Variants in AIF1L observed in about 807,000 individuals in gnomAD.
AIF1L encodes allograft inflammatory factor 1 like, also known as allograft inflammatory factor 1-like.
In AIF1L, 12 loss-of-function variants were observed where a neutral mutation model predicts 20.7. The ratio of observed to expected loss-of-function variants is 0.58; its 90% CI spans 0.37 to 0.94. The LOEUF is 0.94. AIF1L is among the 40% of genes least tolerant of loss of function. The pLI, the probability that AIF1L is intolerant of heterozygous loss-of-function variation, is 0.01. For synonymous variants in AIF1L, 76 were observed against 65.1 expected (o/e 1.17, Z -0.81); for missense variants, 173 against 185.3 (o/e 0.93, Z 0.39).
At chr9:131,116,453 G>A (rs1184177634) in intron 4 of AIF1L, among the ~76,000 whole-genome samples, 2 of 152,074 alleles carry the variant, frequency 1.3e-5, no homozygotes, top group Non-Finnish European at 2.9e-5. Flanking sequence ...TAGTAGAGAC[G>A]AGGTTTCACC....
rs1830887981 is a variant in AIF1L at position 131,111,636 on chromosome 9, C to T, written c.133C>T (p.Leu45Phe). The change falls in exon 3 of 6, where the codon CTT (leucine) becomes TTT (phenylalanine). Residue 45 changes from leucine (L) to phenylalanine (F), a missense_variant. Coordinates refer to ENST00000247291, the MANE Select transcript of AIF1L (RefSeq NM_031426.4). ...CCAGAAGTACAGTGATGAAGAGAAC[C>T]TTCCAGAAAAGCTCACAGCCTTCAA... The part of the protein sequence containing the change: ...CDQKYSDEEN[L>F]PEKLTAFKEK... 6.2e-7 allele frequency: 1 copy of T among 1,613,958 alleles called. No homozygotes were observed. The highest frequency in any genetic ancestry group is 1.3e-5 in the African/African-American group (1 of 74,932).
Position 131,111,633 on chromosome 9 carries a change from A to G in AIF1L, c.130A>G (p.Asn44Asp), listed in dbSNP as rs748075515. The G allele has an allele frequency of 4.3e-6, 7 of 1,613,896 alleles. No individual in the cohort carries two copies. The East Asian group carries it at 1.1e-4, about 26-fold the overall frequency. Residue 44 changes from asparagine to aspartate, a missense_variant, in exon 3 of 6, where the codon AAC (asparagine) becomes GAC (aspartate). Asn to Asp is a conservative substitution (Grantham distance 23, BLOSUM62 1). Coordinates refer to ENST00000247291, the MANE Select transcript of AIF1L (RefSeq NM_031426.4). ...TGACCAGAAGTACAGTGATGAAGAG[A>G]ACCTTCCAGAAAAGCTCACAGCCTT... ...LCDQKYSDEE[N>D]LPEKLTAFKE...
In AIF1L at chr9:131,121,160, C is replaced by A. The variant is rs749673569; in HGVS notation, c.*838C>A. ...GGGAGAATGAGGAGTAAAATGCTCACGGCAAAGTCAGCAGCACTGGTAAGC... is the reference window on the plus strand; with the variant it reads ...GGGAGAATGAGGAGTAAAATGCTCAAGGCAAAGTCAGCAGCACTGGTAAGC... On this transcript the variant is annotated 3_prime_UTR_variant, in exon 6 of 6. Transcript: ENST00000247291. 10 of 709,976 alleles carry A rather than the reference C, an allele frequency of 1.4e-5. No homozygotes were observed. Among genetic ancestry groups the A allele is most frequent in the South Asian group, 1.2e-4 (8 of 65,630 alleles). The allele number at this position is 709,976 out of a possible 1,614,324, so 44.0% of individuals were successfully genotyped here.
At chr9:131,113,575 C>G (rs1460937963) in intron 3 of AIF1L, among the ~76,000 whole-genome samples, 1 of 150,224 alleles carries the variant, frequency 6.7e-6, no homozygotes, top group Non-Finnish European at 1.5e-5. Flanking sequence ...GTTCAAGTCC[C>G]AACTCTGCCC....
At chr9:131,114,288 C>T in intron 3 of AIF1L, 1 of 418,202 alleles carries the variant, frequency 2.4e-6, no homozygotes. Flanking sequence ...CTGGTCTGTG[C>T]TGCTGGGGAC....
chr9:131,117,460 G>A (rs182150339), intron 4 of AIF1L, among the ~76,000 whole-genome samples: 6 of 152,142 alleles, frequency 3.9e-5, no homozygotes, highest in Admixed American at 6.5e-5. Context: ...CCGTTCCACC[G>A]TTGGTGGGAG....
At chr9:131,118,434 T>C (rs1257826450) in intron 5 of AIF1L, among the ~76,000 whole-genome samples, 2 of 151,908 alleles carry the variant, frequency 1.3e-5, no homozygotes, top group Non-Finnish European at 2.9e-5. Context: ...GGAAATTAGC[T>C]TGTAGCAGAG....
intron 5 of AIF1L, among the ~76,000 whole-genome samples, chr9:131,118,691 T>C (rs1381196412): frequency 1.3e-5 from 2 of 151,330 alleles, no homozygotes; most frequent in Admixed American, 1.3e-4. Flanking sequence ...GGATTACAGG[T>C]GTGCGCCACC....
In AIF1L at chr9:131,120,831, C is replaced by T; in HGVS notation, c.*509C>T. The T allele has an allele frequency of 2.3e-6, 1 of 429,526 alleles. No homozygotes were observed. The highest frequency in any genetic ancestry group is 5.6e-5 in the South Asian group (1 of 17,780). 26.6% of individuals were successfully genotyped at this position (429,526 alleles called of 1,614,324 possible). On this transcript the variant is annotated 3_prime_UTR_variant, in exon 6 of 6. Coordinates refer to ENST00000247291, the MANE Select transcript of AIF1L (RefSeq NM_031426.4). ...TCTGGTGTCACCCAGGACACAGCCA[C>T]TCGGGGCCCCGCTGCCCCAGCTGAT... is the stretch of plus-strand genomic sequence containing the variant.
intron 2 of AIF1L, among the ~76,000 whole-genome samples, chr9:131,105,834 CT>C (rs11316586): frequency 0.77 from 106,446 of 138,960 alleles, 41,000 homozygotes; most frequent in Middle Eastern, 0.85. Context: ...GTTGTTGTTG[CT>C]TTTTTTTTTT....
At position 131,121,212 on chromosome 9, in the gene AIF1L, G is replaced by A. The variant is rs143759137; in HGVS notation, c.*890G>A. The A allele has an allele frequency of 5.2e-4, 355 of 676,744 alleles. 2 individuals are homozygous for A. In the African/African-American group the frequency reaches 5.9e-3, roughly 11 times the overall value. 41.9% of individuals were successfully genotyped at this position (676,744 alleles called of 1,614,324 possible). On this transcript the variant is annotated 3_prime_UTR_variant, in exon 6 of 6. Coordinates refer to ENST00000247291, the MANE Select transcript of AIF1L (RefSeq NM_031426.4). Reference sequence around the variant, plus strand: ...AAGACTGAGAAATACAAGGTTGCTTGTCTGACCCCAATCTGCTTGAAACCT... The same window carrying A: ...AAGACTGAGAAATACAAGGTTGCTTATCTGACCCCAATCTGCTTGAAACCT...
chr9:131,106,071 G>C, intron 2 of AIF1L: 1 of 1,152,862 alleles, frequency 8.7e-7, no homozygotes, highest in Non-Finnish European at 1.2e-6. Context: ...CTCCCTCCTC[G>C]GGCTCCTCAA....
At position 131,106,104 on chromosome 9, in the gene AIF1L, G is replaced by A; in HGVS notation, c.94-5493G>A. 1.2e-5 allele frequency: 18 copies of A among 1,444,220 alleles called. No individual in the cohort carries two copies. In the South Asian group the frequency reaches 1.5e-4, roughly 12 times the overall value. The allele number at this position is 1,444,220 out of a possible 1,614,324, so 89.5% of individuals were successfully genotyped here. On this transcript the variant is annotated intron_variant, in intron 2 of 5. Coordinates refer to ENST00000247291, the MANE Select transcript of AIF1L (RefSeq NM_031426.4). Reference sequence around the variant, plus strand: ...CAACAGATGTTTATTGAGTGTCTACGATATGCTGGGCACTTCGACGCTAAA... The same window carrying A: ...CAACAGATGTTTATTGAGTGTCTACAATATGCTGGGCACTTCGACGCTAAA...
intron 2 of AIF1L, among the ~76,000 whole-genome samples, chr9:131,107,704 A>C (rs1830782076): frequency 6.6e-6 from 1 of 152,222 alleles, no homozygotes; most frequent in Non-Finnish European, 1.5e-5. Flanking sequence ...GGCAAAATAA[A>C]AAGTTGGCAC....
Position 131,120,724 on chromosome 9 carries a change from C to G in AIF1L, c.*402C>G, listed in dbSNP as rs563335267. ...ACCTGGCTCTGACGAGGACCCCAGG[C>G]CACTCTGAGAAGACCTTGGAGTAGG... On this transcript the variant is annotated 3_prime_UTR_variant, in exon 6 of 6. Transcript: ENST00000247291. The G allele has an allele frequency of 7.7e-4, 237 of 306,586 alleles. 2 individuals are homozygous for G. The South Asian group carries it at 0.02, about 26-fold the overall frequency. The allele number at this position is 306,586 out of a possible 1,614,324, so 19.0% of individuals were successfully genotyped here.
intron 5 of AIF1L, among the ~76,000 whole-genome samples, chr9:131,118,947 ATGCTATTACT>A (rs1480699915): frequency 2.0e-5 from 3 of 152,224 alleles, no homozygotes; most frequent in African/African-American, 7.2e-5. Flanking sequence ...TTGCATCTTG[ATGCTATTACT>A]TGCTACCAAA....
intron 2 of AIF1L, 71 bp downstream of exon 2, chr9:131,096,934 C>A: frequency 6.9e-7 from 1 of 1,440,524 alleles, no homozygotes; most frequent in Non-Finnish European, 9.1e-7. Context: ...TCTCCTTCCG[C>A]GAGGCCGTGC....
Position 131,099,729 on chromosome 9 carries a change from CTT to C in AIF1L, c.93+2885_93+2886del, listed in dbSNP as rs5900920. ...GAGGGGCAGGGTAGCTCAGCCTTAG[CTT>C]TTTTTTTTTTTTTTTTTTAGACAGA... On this transcript the variant is annotated intron_variant, in intron 2 of 5. Coordinates refer to ENST00000247291, the MANE Select transcript of AIF1L (RefSeq NM_031426.4). Among the ~76,000 whole-genome samples the C allele has an allele frequency of 1.7e-3, 191 of 113,010 alleles. 1 individual carries two copies. The highest frequency in any genetic ancestry group is 4.8e-3 in the Middle Eastern group (1 of 208). 74.1% of individuals were successfully genotyped at this position (113,010 alleles called of 152,430 possible). A position where few individuals can be genotyped will look rare whatever the true frequency, so the allele number is the denominator to read the frequency against.
intron 5 of AIF1L, among the ~76,000 whole-genome samples, chr9:131,119,402 G>A (rs1261330478): frequency 1.3e-5 from 2 of 152,130 alleles, no homozygotes; most frequent in African/African-American, 4.8e-5. Context: ...TCGGGAGGCT[G>A]AGGCAGGAGA....
Sources: allele counts gnomAD v4.1 joint callset (sites outside exome capture counted in the v4.1 genomes callset), GRCh38; gene constraint gnomAD v4.1.1; transcripts MANE v1.5; gene names NCBI Gene and HGNC (gene_info 2026-07-23, HGNC 2026-07-21).